Variants in ATP6V1C2 observed in about 807,000 individuals in gnomAD.
ATP6V1C2 encodes the protein ATPase H+ transporting V1 subunit C2, also known as V-type proton ATPase subunit C 2.
ATP6V1C2 carries 45 observed loss-of-function variants against 56.8 expected under a neutral mutation model. The ratio of observed to expected loss-of-function variants is 0.79; its 90% CI spans 0.62 to 1.02. ATP6V1C2 has a LOEUF of 1.02. Ranked by LOEUF, ATP6V1C2 falls within the 50% of genes least tolerant of loss-of-function variation. The pLI is 0.00. For synonymous variants in ATP6V1C2, 220 were observed against 201.3 expected, an observed-to-expected ratio of 1.09 and a Z score of -0.79; for missense variants, 463 against 519.7, an observed-to-expected ratio of 0.89 and a Z score of 1.06.
At chr2:10,721,212 T>C (rs1661338430), upstream of ATP6V1C2, among the ~76,000 whole-genome samples, 1 of 151,924 alleles carries the variant, frequency 6.6e-6, no homozygotes, top group Non-Finnish European at 1.5e-5. Context: ...TGGAGACACC[T>C]GGGAGTAGGT....
chr2:10,734,111 G>A (rs974559208), intron 3 of ATP6V1C2, among the ~76,000 whole-genome samples: 1 of 152,126 alleles, frequency 6.6e-6, no homozygotes, highest in Non-Finnish European at 1.5e-5. Flanking sequence ...AATAGACCGC[G>A]GTTGCATGTC....
At chr2:10,723,030 A>G (rs1661448047) in intron 2 of ATP6V1C2, 52 bp downstream of exon 2, 2 of 1,602,426 alleles carry the variant, frequency 1.2e-6, no homozygotes, top group South Asian at 2.2e-5. Context: ...AGGGGGAGAC[A>G]GGAGAGGGAG....
chr2:10,732,448 C>T (rs1286462689), intron 3 of ATP6V1C2, among the ~76,000 whole-genome samples: 1 of 151,850 alleles, frequency 6.6e-6, no homozygotes, highest in African/African-American at 2.4e-5. Context: ...TTAGTAGAGA[C>T]GGGGTTTCCC....
intron 3 of ATP6V1C2, among the ~76,000 whole-genome samples, chr2:10,736,694 T>A (rs1662265350): frequency 6.6e-6 from 1 of 152,156 alleles, no homozygotes; most frequent in Non-Finnish European, 1.5e-5. Context: ...AGTTCATTTT[T>A]TTTTGTTTAG....
In ATP6V1C2 at chr2:10,777,592, C is replaced by T; in HGVS notation, c.833C>T (p.Ser278Phe). ...TCATTTCTGTGCCTTTAGCAAACTT[C>T]CTGTGTTGCTCTTAAAAAGGGATCA... ...LSDKKQQYQT[S>F]CVALKKGSST... Residue 278 changes from serine to phenylalanine, a missense_variant, in exon 11 of 14, where the codon TCC becomes TTC. Physicochemically the swap from Ser to Phe is radical, Grantham distance 155. Transcript: ENST00000272238. 7.4e-6 allele frequency: 12 copies of T among 1,611,550 alleles called. No homozygotes were observed. Among genetic ancestry groups the T allele is most frequent in the Non-Finnish European group, 9.3e-6 (11 of 1,179,426 alleles).
At chr2:10,753,476 C>CTTAA (rs1663335824) in intron 3 of ATP6V1C2, among the ~76,000 whole-genome samples, 1 of 152,034 alleles carries the variant, frequency 6.6e-6, no homozygotes. Flanking sequence ...TCTGTTTGTC[C>CTTAA]CATTTCCTTA....
intron 3 of ATP6V1C2, among the ~76,000 whole-genome samples, chr2:10,731,324 T>C (rs937359924): frequency 1.3e-5 from 2 of 152,202 alleles, no homozygotes; most frequent in Non-Finnish European, 2.9e-5. Context: ...CTCAGACGAA[T>C]GAAGGGAAGT....
chr2:10,776,302 AGTGT>A (rs4027224), intron 10 of ATP6V1C2, among the ~76,000 whole-genome samples: 42,511 of 151,732 alleles, frequency 0.28, 6,228 homozygotes, highest in Non-Finnish European at 0.3. Flanking sequence ...TGCATGTATG[AGTGT>A]GTGTGTGGAC....
intron 3 of ATP6V1C2, among the ~76,000 whole-genome samples, chr2:10,730,723 G>A (rs1413614603): frequency 2.8e-5 from 4 of 144,028 alleles, no homozygotes; most frequent in Admixed American, 7.4e-5. Flanking sequence ...CACAATCTCA[G>A]CTCACTGCAA....
At chr2:10,781,261 C>T (rs1045155578) in intron 12 of ATP6V1C2, among the ~76,000 whole-genome samples, 2 of 152,114 alleles carry the variant, frequency 1.3e-5, no homozygotes, top group African/African-American at 4.8e-5. Flanking sequence ...GCGCCTTAAG[C>T]TTTAAGGACG....
chr2:10,784,856 C>T lies in ATP6V1C2; in HGVS notation c.*1593C>T. ...CTGAGGTCTGATGGGAAGGACTTGA[C>T]TCCAGGTGCAGAGATGCACAGGCTC... On this transcript the variant is annotated 3_prime_UTR_variant, in exon 14 of 14. Transcript: ENST00000272238. 3 of 1,077,940 alleles carry T rather than the reference C, an allele frequency of 2.8e-6. No individual in the cohort carries two copies. Among genetic ancestry groups the T allele is most frequent in the Non-Finnish European group, 4.2e-6 (3 of 718,716 alleles). The allele number at this position is 1,077,940 out of a possible 1,614,324, so 66.8% of individuals were successfully genotyped here.
intron 4 of ATP6V1C2, chr2:10,757,544 A>G: frequency 2.5e-6 from 1 of 398,384 alleles, no homozygotes; most frequent in Non-Finnish European, 4.4e-6. Context: ...TTGTATTGGT[A>G]CAGTGATCAA....
intron 4 of ATP6V1C2, among the ~76,000 whole-genome samples, chr2:10,759,695 G>A (rs1002471687): frequency 6.6e-6 from 1 of 152,178 alleles, no homozygotes; most frequent in South Asian, 2.1e-4. Context: ...GAAGGCCGGA[G>A]GGGCTGGGCA....
chr2:10,765,875 C>T (rs1323489721), intron 5 of ATP6V1C2, among the ~76,000 whole-genome samples: 5 of 152,142 alleles, frequency 3.3e-5, no homozygotes, highest in East Asian at 3.9e-4. Context: ...GAGGGGCTGT[C>T]GGGAGACCTG....
At chr2:10,736,473 C>T (rs1294439400) in intron 3 of ATP6V1C2, among the ~76,000 whole-genome samples, 1 of 152,054 alleles carries the variant, frequency 6.6e-6, no homozygotes, top group African/African-American at 2.4e-5. Context: ...TATGCATCCC[C>T]CATTTTTTAG....
chr2:10,753,945 C>T (rs1663368719), intron 3 of ATP6V1C2, 36 bp from the exon 4 acceptor site: 4 of 1,552,344 alleles, frequency 2.6e-6, no homozygotes, highest in Non-Finnish European at 2.6e-6. Context: ...GGACAGCTTC[C>T]TACTCTAACC....
intron 10 of ATP6V1C2, 61 bp downstream of exon 10, chr2:10,775,132 C>T (rs952542386): frequency 1.1e-5 from 14 of 1,258,896 alleles, no homozygotes; most frequent in Non-Finnish European, 1.5e-5. Flanking sequence ...ATAGAAGAGT[C>T]CTCCCAGGTC....
At chr2:10,764,764 G>A (rs187341813) in intron 5 of ATP6V1C2, among the ~76,000 whole-genome samples, 90 of 152,364 alleles carry the variant, frequency 5.9e-4, no homozygotes, top group Non-Finnish European at 8.5e-4. Flanking sequence ...GAGGTCAGGA[G>A]TTCGAGACCA....
intron 4 of ATP6V1C2, among the ~76,000 whole-genome samples, chr2:10,758,216 C>G (rs1663667285): frequency 6.6e-6 from 1 of 152,176 alleles, no homozygotes; most frequent in Non-Finnish European, 1.5e-5. Context: ...ACATAAACAA[C>G]AGAGGAACTT....
Sources: allele counts gnomAD v4.1 joint callset (sites outside exome capture counted in the v4.1 genomes callset), GRCh38; gene constraint gnomAD v4.1.1; transcripts MANE v1.5; gene names NCBI Gene and HGNC (gene_info 2026-07-23, HGNC 2026-07-21).